RARB: variants seen among roughly 807,000 people sequenced by gnomAD.
The protein encoded by RARB is HBV-activated protein.
RARB carries 17 observed loss-of-function variants against 51.9 expected under a neutral mutation model. That is an observed-to-expected ratio of 0.33 (90% CI 0.22 to 0.49). The LOEUF is 0.49. RARB is among the 20% of genes least tolerant of loss of function. The pLI, the probability that RARB is intolerant of heterozygous loss-of-function variation, is 0.99. For synonymous variants in RARB, 215 were observed against 195.4 expected (o/e 1.10, Z -0.84); for missense variants, 369 against 550.8 (o/e 0.67, Z 3.30).
At chr3:25,473,070 A>T (rs973302943) in intron 2 of RARB, among the ~76,000 whole-genome samples, 9 of 152,234 alleles carry the variant, frequency 5.9e-5, no homozygotes, top group Admixed American at 5.2e-4. Flanking sequence ...GCACAACGCA[A>T]TGCTTATGTC....
At chr3:25,249,490 A>C (rs1446221056) in intron 5 of RARB, among the ~76,000 whole-genome samples, 4 of 152,082 alleles carry the variant, frequency 2.6e-5, no homozygotes, top group Non-Finnish European at 5.9e-5. Context: ...TGGAGGTTTC[A>C]TATATCCCTG....
chr3:25,495,675 G>A (rs575993324), intron 2 of RARB, among the ~76,000 whole-genome samples: 2 of 152,280 alleles, frequency 1.3e-5, no homozygotes, highest in Admixed American at 1.3e-4. Flanking sequence ...TAGGAAGATT[G>A]AAAAATCCAC....
chr3:24,889,117 C>G (rs962507257), intron 2 of RARB, among the ~76,000 whole-genome samples: 1 of 152,158 alleles, frequency 6.6e-6, no homozygotes, highest in African/African-American at 2.4e-5. Context: ...ACATATGGAT[C>G]CAGCCCACCA....
At chr3:25,539,377 T>A (rs1699272042) in intron 3 of RARB, among the ~76,000 whole-genome samples, 1 of 152,050 alleles carries the variant, frequency 6.6e-6, no homozygotes, top group Admixed American at 6.6e-5. Context: ...TGAGAATAAT[T>A]CTCAATATTT....
intron 2 of RARB, among the ~76,000 whole-genome samples, chr3:24,908,010 T>G (rs760078406): frequency 2.6e-5 from 4 of 152,038 alleles, no homozygotes; most frequent in Non-Finnish European, 5.9e-5. Context: ...GTGAGGGGGT[T>G]TTGTTATCTT....
chr3:25,107,470 GTTA>G (rs1252094174), intron 3 of RARB, among the ~76,000 whole-genome samples: 1 of 152,156 alleles, frequency 6.6e-6, no homozygotes, highest in African/African-American at 2.4e-5. Flanking sequence ...TTCTAGTATT[GTTA>G]TTATGAATAT....
intron 1 of RARB, 119 bp from the exon 2 acceptor site, chr3:25,461,074 C>A: frequency 8.5e-7 from 1 of 1,173,802 alleles, no homozygotes; most frequent in Non-Finnish European, 1.2e-6. Context: ...TTTATGAGCC[C>A]ATTCTTGCTA....
intron 5 of RARB, among the ~76,000 whole-genome samples, chr3:25,215,508 G>A (rs150342873): frequency 8.6e-4 from 131 of 152,280 alleles, no homozygotes; most frequent in Non-Finnish European, 1.8e-3. Flanking sequence ...CTCTGGCGGG[G>A]TCATCTGTAT....
chr3:25,532,496 C>T (rs190440749), intron 3 of RARB, among the ~76,000 whole-genome samples: 1 of 152,278 alleles, frequency 6.6e-6, no homozygotes, highest in East Asian at 1.9e-4. Flanking sequence ...ACTGTTTCCC[C>T]AAAGCAAAAG....
chr3:25,102,492 A>G (rs957375280), intron 3 of RARB, among the ~76,000 whole-genome samples: 2 of 152,130 alleles, frequency 1.3e-5, no homozygotes, highest in African/African-American at 4.8e-5. Context: ...GTGAGCCAAG[A>G]TCGTGCCATT....
rs201410549 is a variant in RARB, at chr3:25,201,860, G to A, written c.178+27285G>A. Among the ~76,000 whole-genome samples, 204 of 151,916 alleles carry A rather than the reference G, an allele frequency of 1.3e-3. 1 individual carries two copies. In the East Asian group the frequency reaches 0.017, roughly 12 times the overall value. On this transcript the variant is annotated intron_variant, in intron 5 of 11. Transcript: ENST00000383772. ...GTATTTTACTGAGGATTTTTGCATC[G>A]ATGTTCATCAGGGATATTGGTCTAC...
chr3:25,236,128 T>G (rs1702296254), intron 5 of RARB, among the ~76,000 whole-genome samples: 1 of 152,182 alleles, frequency 6.6e-6, no homozygotes. Flanking sequence ...TCATTCATGA[T>G]GTAGTTATAG....
chr3:24,967,489 C>G (rs1471990002), intron 2 of RARB, among the ~76,000 whole-genome samples: 1 of 152,162 alleles, frequency 6.6e-6, no homozygotes, highest in Non-Finnish European at 1.5e-5. Flanking sequence ...CCCTCTTCAT[C>G]TCTGACAGTA....
At chr3:25,277,735 T>G (rs1185627519) in intron 5 of RARB, among the ~76,000 whole-genome samples, 1 of 152,230 alleles carries the variant, frequency 6.6e-6, no homozygotes, top group African/African-American at 2.4e-5. Context: ...CCATTCTGTG[T>G]GGGTCCCTCT....
At chr3:25,060,955 A>G (rs1267648752) in intron 3 of RARB, among the ~76,000 whole-genome samples, 1 of 151,916 alleles carries the variant, frequency 6.6e-6, no homozygotes, top group Admixed American at 6.6e-5. Flanking sequence ...CATTTGTGTA[A>G]GGAAGAAGTG....
chr3:24,923,529 TCAG>T (rs1433299042), intron 2 of RARB, among the ~76,000 whole-genome samples: 1 of 152,134 alleles, frequency 6.6e-6, no homozygotes, highest in Non-Finnish European at 1.5e-5. Context: ...TTTTGAATCT[TCAG>T]CATGTAGAGA....
At chr3:25,586,328 G>T (rs1701387253) in intron 5 of RARB, among the ~76,000 whole-genome samples, 3 of 152,098 alleles carry the variant, frequency 2.0e-5, no homozygotes, top group Non-Finnish European at 4.4e-5. Context: ...AATGACAGGT[G>T]CATTTCCCAA....
chr3:24,939,354 T>C (rs1476371497), intron 2 of RARB, among the ~76,000 whole-genome samples: 3 of 152,256 alleles, frequency 2.0e-5, no homozygotes, highest in Admixed American at 6.5e-5. Context: ...TGCTGGATCA[T>C]GTGTTAATTC....
chr3:25,250,757 A>G (rs1601164), intron 5 of RARB, among the ~76,000 whole-genome samples: 64,057 of 151,538 alleles, frequency 0.42, 15,209 homozygotes, highest in African/African-American at 0.65. Context: ...TGGCGGCTGT[A>G]TGGAATCCAG....
Sources: allele counts gnomAD v4.1 joint callset (sites outside exome capture counted in the v4.1 genomes callset), GRCh38; gene constraint gnomAD v4.1.1; transcripts MANE v1.5; gene names NCBI Gene and HGNC (gene_info 2026-07-23, HGNC 2026-07-21).